The following PRORP variants were observed in gnomAD, a reference collection of about 807,000 sequenced individuals.
PRORP encodes protein only RNase P catalytic subunit, also known as mitochondrial ribonuclease P catalytic subunit.
A neutral mutation model predicts 59.4 loss-of-function variants in PRORP; 51 were observed. That is an observed-to-expected ratio of 0.86 (90% CI 0.69 to 1.08). PRORP has a LOEUF of 1.08. PRORP is among the 50% of genes least tolerant of loss of function. The probability of loss-of-function intolerance (pLI) is 0.00; values close to 1 mark genes in which losing one functional copy is unlikely to be tolerated. For missense variants in PRORP, 646 were observed against 690.3 expected (o/e 0.94, Z 0.72); for synonymous variants, 231 against 245.6 (o/e 0.94, Z 0.55).
chr14:35,133,912 C>T (rs938636925), intron 4 of PRORP, among the ~76,000 whole-genome samples: 3 of 152,208 alleles, frequency 2.0e-5, no homozygotes, highest in African/African-American at 7.2e-5. Flanking sequence ...ACCACTAGAA[C>T]TGTGCTGGGC....
At chr14:35,146,791 G>C (rs1420758710) in intron 4 of PRORP, among the ~76,000 whole-genome samples, 1 of 152,088 alleles carries the variant, frequency 6.6e-6, no homozygotes, top group Non-Finnish European at 1.5e-5. Flanking sequence ...TACCCAGGTC[G>C]TATAAAAGTT....
chr14:35,232,502 T>C (rs545582817), intron 5 of PRORP, among the ~76,000 whole-genome samples: 2 of 152,324 alleles, frequency 1.3e-5, no homozygotes, highest in South Asian at 2.1e-4. Flanking sequence ...ACAGCAATTA[T>C]GTAAACTTTT....
chr14:35,124,347 A>C (rs1313363000), intron 2 of PRORP, 116 bp downstream of exon 2: 8 of 592,924 alleles, frequency 1.3e-5, no homozygotes, highest in Non-Finnish European at 2.1e-5. Context: ...AGCTCACTGT[A>C]ACCTCAAACT....
intron 4 of PRORP, among the ~76,000 whole-genome samples, chr14:35,142,679 TAA>T (rs1163233262): frequency 6.9e-6 from 1 of 144,216 alleles, no homozygotes; most frequent in East Asian, 2.4e-4. Flanking sequence ...CGTTCTCTAA[TAA>T]AAATACAAAA....
At chr14:35,155,028 A>G (rs1229744468) in intron 4 of PRORP, among the ~76,000 whole-genome samples, 1 of 151,984 alleles carries the variant, frequency 6.6e-6, no homozygotes, top group Non-Finnish European at 1.5e-5. Context: ...CTGAGTAGCT[A>G]GGACTACAGG....
chr14:35,173,522 A>G (rs376395287), intron 4 of PRORP, among the ~76,000 whole-genome samples: 17 of 152,094 alleles, frequency 1.1e-4, no homozygotes, highest in Admixed American at 9.2e-4. Flanking sequence ...TTTATGTGCA[A>G]ATTTTGTGGT....
intron 5 of PRORP, among the ~76,000 whole-genome samples, chr14:35,254,679 A>G (rs2050703669): frequency 6.6e-6 from 1 of 152,140 alleles, no homozygotes; most frequent in African/African-American, 2.4e-5. Flanking sequence ...GGCATGAGCC[A>G]CCGCGCCCAG....
intron 5 of PRORP, among the ~76,000 whole-genome samples, chr14:35,253,988 C>CT (rs569078360): frequency 1.1e-3 from 162 of 151,282 alleles, no homozygotes; most frequent in Non-Finnish European, 1.9e-3. Context: ...ACTCCCAAAT[C>CT]TTTATCTGCA....
At chr14:35,233,455 C>T (rs994993178) in intron 5 of PRORP, among the ~76,000 whole-genome samples, 2 of 145,550 alleles carry the variant, frequency 1.4e-5, no homozygotes, top group Non-Finnish European at 3.1e-5. Flanking sequence ...AAACTAATTT[C>T]CTATAGTAAA....
At chr14:35,173,206 G>A (rs773630506) in intron 4 of PRORP, among the ~76,000 whole-genome samples, 9 of 151,944 alleles carry the variant, frequency 5.9e-5, no homozygotes, top group Non-Finnish European at 1.3e-4. Flanking sequence ...TCTTGACTGT[G>A]GATCACATTT....
At chr14:35,213,044 G>A (rs2049490777) in intron 5 of PRORP, among the ~76,000 whole-genome samples, 1 of 152,148 alleles carries the variant, frequency 6.6e-6, no homozygotes, top group South Asian at 2.1e-4. Flanking sequence ...TAAACCTCAT[G>A]AGCCAACCTC....
chr14:35,142,862 G>A lies in PRORP; in HGVS notation c.1167+15251G>A, dbSNP rs2047515221. 2.1e-5 allele frequency among the ~76,000 whole-genome samples: 3 copies of A among 142,356 alleles called. 1 individual carries two copies. In the Admixed American group the frequency reaches 2.2e-4, roughly 10 times the overall value. 93.4% of individuals were successfully genotyped at this position (142,356 alleles called of 152,430 possible). A position where few individuals can be genotyped will look rare whatever the true frequency, so the allele number is the denominator to read the frequency against. On this transcript the variant is annotated intron_variant, in intron 4 of 7. Coordinates refer to ENST00000534898, the MANE Select transcript of PRORP (RefSeq NM_014672.4). The stretch of plus-strand genomic sequence containing the variant: ...CTCTTGTCTCAAAAAAAAAAAAATT[G>A]TAAAGATGGGATCTCACTATGTGGT...
chr14:35,244,170 A>G (rs1037099489), intron 5 of PRORP, among the ~76,000 whole-genome samples: 1 of 152,166 alleles, frequency 6.6e-6, no homozygotes, highest in Non-Finnish European at 1.5e-5. Context: ...GGGCTTGGGG[A>G]TTTCTAAAAA....
intron 5 of PRORP, among the ~76,000 whole-genome samples, chr14:35,221,096 A>G (rs2049766608): frequency 6.6e-6 from 1 of 152,192 alleles, no homozygotes; most frequent in Admixed American, 6.5e-5. Context: ...CTGGCAGCCC[A>G]GCATCCTCAT....
intron 4 of PRORP, among the ~76,000 whole-genome samples, chr14:35,149,109 T>C (rs8020499): frequency 0.78 from 115,854 of 147,618 alleles, 45,851 homozygotes; most frequent in Non-Finnish European, 0.84. Context: ...TTAGTAGAGA[T>C]GGGGTTTCAC....
intron 4 of PRORP, among the ~76,000 whole-genome samples, chr14:35,176,270 C>A (rs191006371): frequency 0.06 from 9,058 of 152,140 alleles, 490 homozygotes; most frequent in Admixed American, 0.18. Flanking sequence ...TTTTCCAATT[C>A]TGTGAAGAAA....
chr14:35,157,443 G>A (rs2047944468), intron 4 of PRORP, among the ~76,000 whole-genome samples: 1 of 152,200 alleles, frequency 6.6e-6, no homozygotes, highest in Non-Finnish European at 1.5e-5. Flanking sequence ...TACCAGATTA[G>A]CAGAGCTGGA....
intron 5 of PRORP, among the ~76,000 whole-genome samples, chr14:35,224,034 C>A (rs1380014919): frequency 6.6e-6 from 1 of 152,098 alleles, no homozygotes; most frequent in Admixed American, 6.5e-5. Context: ...ATATTCCTTT[C>A]TTTCTCTCTC....
chr14:35,208,827 G>C (rs1377303888), intron 5 of PRORP, among the ~76,000 whole-genome samples: 2 of 152,086 alleles, frequency 1.3e-5, no homozygotes, highest in Non-Finnish European at 2.9e-5. Flanking sequence ...CCAACATGGT[G>C]AATGAAACCT....
Sources: gnomAD v4.1 joint callset for allele counts (sites outside exome capture counted in the v4.1 genomes callset) on GRCh38, gnomAD v4.1.1 for gene constraint, MANE v1.5 for transcripts, NCBI Gene and HGNC (gene_info 2026-07-23, HGNC 2026-07-21) for gene names.